CCDC30: variants seen among roughly 807,000 people sequenced by gnomAD.
CCDC30 encodes the protein coiled-coil domain-containing protein 30.
In CCDC30, 70 loss-of-function variants were observed where a neutral mutation model predicts 100.2. The observed-to-expected ratio is 0.70, with a 90% CI of 0.58 to 0.85. The LOEUF (loss-of-function observed/expected upper bound fraction) is 0.85. Ranked by LOEUF, CCDC30 falls within the 40% of genes least tolerant of loss-of-function variation. The pLI is 0.00. For missense variants in CCDC30, 652 were observed against 771.2 expected, an observed-to-expected ratio of 0.85 and a Z score of 1.83; for synonymous variants, 233 against 269.5, an observed-to-expected ratio of 0.86 and a Z score of 1.33.
intron 9 of CCDC30, among the ~76,000 whole-genome samples, chr1:42,581,770 TA>T (rs1645972251): frequency 6.6e-6 from 1 of 152,226 alleles, no homozygotes; most frequent in Non-Finnish European, 1.5e-5. Context: ...GGGGCACACC[TA>T]GTGGTAACAG....
Position 42,621,497 on chromosome 1 carries a change from TTTTATTTA to T in CCDC30, c.1277+10431_1277+10438del, listed in dbSNP as rs148757100. 2.7e-4 allele frequency among the ~76,000 whole-genome samples: 39 copies of T among 145,290 alleles called. No individual in the cohort carries two copies. In the South Asian group the frequency reaches 4.8e-3, roughly 18 times the overall value. On this transcript the variant is annotated intron_variant, in intron 11 of 16. Transcript: ENST00000668663. Reference sequence around the variant, plus strand: ...CACCTGGCTAATTTTGTTTATTTTATTTTATTTATTTATTTATTTATTTATTTATTTTG... The same window carrying T: ...CACCTGGCTAATTTTGTTTATTTTATTTTATTTATTTATTTATTTATTTTG...
intron 10 of CCDC30, among the ~76,000 whole-genome samples, chr1:42,609,466 G>A (rs1339682535): frequency 6.6e-6 from 1 of 152,086 alleles, no homozygotes; most frequent in Non-Finnish European, 1.5e-5. Context: ...CTGTGTGGGG[G>A]GTCAGTGCCC....
Position 42,535,701 on chromosome 1 carries a change from T to TATATTATATATATATAAA in CCDC30, c.457-30591_457-30590insTATATATATATAAAATAT, listed in dbSNP as rs1553190464. Among the ~76,000 whole-genome samples the TATATTATATATATATAAA allele has an allele frequency of 5.7e-5, 4 of 70,510 alleles. No homozygotes were observed. In the East Asian group the frequency reaches 1.7e-3, roughly 29 times the overall value. 46.3% of individuals were successfully genotyped at this position (70,510 alleles called of 152,430 possible). A position where few individuals can be genotyped will look rare whatever the true frequency, so the allele number is the denominator to read the frequency against. On this transcript the variant is annotated intron_variant, in intron 6 of 16. Transcript: ENST00000668663. Reference sequence around the variant, plus strand: ...ATGGTGAAATCCCATCACTACTATATATATATATTATATATATAAATTTTA... The same window carrying TATATTATATATATATAAA: ...ATGGTGAAATCCCATCACTACTATATATATTATATATATATAAAATATATATTATATATATAAATTTTA...
chr1:42,585,152 T>A (rs889419176), intron 9 of CCDC30, among the ~76,000 whole-genome samples: 11 of 152,248 alleles, frequency 7.2e-5, no homozygotes, highest in African/African-American at 2.7e-4. Context: ...GTCCATATAA[T>A]GTAAGTTATC....
chr1:42,464,954 C>T (rs1177891454), intron 1 of CCDC30, among the ~76,000 whole-genome samples: 2 of 152,024 alleles, frequency 1.3e-5, no homozygotes, highest in Non-Finnish European at 2.9e-5. Context: ...AAAACAAAAA[C>T]AAGTTCTGCA....
At chr1:42,614,347 T>C (rs975228109) in intron 11 of CCDC30, among the ~76,000 whole-genome samples, 5 of 151,826 alleles carry the variant, frequency 3.3e-5, no homozygotes, top group Admixed American at 6.6e-5. Context: ...CCCAAAGTGC[T>C]GGGATTACAG....
intron 2 of CCDC30, among the ~76,000 whole-genome samples, chr1:42,481,195 G>GA (rs891641326): frequency 2.0e-5 from 3 of 151,860 alleles, no homozygotes; most frequent in Non-Finnish European, 4.4e-5. Flanking sequence ...ATTTGAGGAG[G>GA]AAAAAATCAC....
At chr1:42,540,679 A>ACACT (rs1338820036) in intron 6 of CCDC30, among the ~76,000 whole-genome samples, 1 of 112,298 alleles carries the variant, frequency 8.9e-6, no homozygotes, top group East Asian at 2.9e-4. Context: ...ATACACATAC[A>ACACT]CACACACACA....
chr1:42,652,361 G>A (rs1026364751), intron 15 of CCDC30, among the ~76,000 whole-genome samples: 5 of 152,176 alleles, frequency 3.3e-5, no homozygotes, highest in African/African-American at 1.2e-4. Flanking sequence ...CAATGTTTCA[G>A]TTAGACCGGA....
intron 9 of CCDC30, among the ~76,000 whole-genome samples, chr1:42,584,231 C>T (rs1033829333): frequency 5.3e-5 from 8 of 152,110 alleles, no homozygotes; most frequent in Non-Finnish European, 8.8e-5. Flanking sequence ...GGAAACTAGA[C>T]AAGTCAAAAT....
At chr1:42,489,714 G>A (rs1237615231) in intron 3 of CCDC30, among the ~76,000 whole-genome samples, 1 of 152,090 alleles carries the variant, frequency 6.6e-6, no homozygotes, top group Non-Finnish European at 1.5e-5. Context: ...AGCACCAAAA[G>A]CTATTTCCTG....
intron 6 of CCDC30, among the ~76,000 whole-genome samples, chr1:42,555,065 T>C (rs1281703456): frequency 6.6e-6 from 1 of 152,164 alleles, no homozygotes. Flanking sequence ...ATCCAATAAA[T>C]GACAAACCTT....
At chr1:42,465,204 T>G (rs1050963780) in intron 1 of CCDC30, among the ~76,000 whole-genome samples, 3 of 152,146 alleles carry the variant, frequency 2.0e-5, no homozygotes, top group Non-Finnish European at 4.4e-5. Context: ...CTGGCTACTC[T>G]GGAGGCTGAG....
chr1:42,593,761 A>T (rs963799212), intron 10 of CCDC30: 1 of 152,534 alleles, frequency 6.6e-6, no homozygotes, highest in Non-Finnish European at 1.5e-5. Context: ...TAGGACAAAG[A>T]TCAAAATATG....
At chr1:42,617,523 A>G (rs560162557) in intron 11 of CCDC30, among the ~76,000 whole-genome samples, 31 of 152,326 alleles carry the variant, frequency 2.0e-4, no homozygotes, top group African/African-American at 6.7e-4. Context: ...AGTCAGCTGT[A>G]TGGGAGACGA....
chr1:42,581,296 C>T, intron 8 of CCDC30, 64 bp from the exon 13 acceptor site: 11 of 1,256,212 alleles, frequency 8.8e-6, no homozygotes, highest in South Asian at 1.5e-5. Context: ...TATGTTATTC[C>T]CCTAATTTGA....
At chr1:42,616,646 A>G (rs1423134541) in intron 11 of CCDC30, among the ~76,000 whole-genome samples, 7 of 152,240 alleles carry the variant, frequency 4.6e-5, no homozygotes, top group African/African-American at 1.7e-4. Flanking sequence ...TAAATTTTAG[A>G]ACATAAATAT....
At chr1:42,594,444 G>A (rs543780291) in intron 10 of CCDC30, 3 of 152,342 alleles carry the variant, frequency 2.0e-5, no homozygotes, top group African/African-American at 7.2e-5. Context: ...AGCCCAGGAG[G>A]TCAAGGCTTC....
chr1:42,549,960 A>G (rs1645216319), intron 6 of CCDC30, among the ~76,000 whole-genome samples: 1 of 152,194 alleles, frequency 6.6e-6, no homozygotes, highest in Non-Finnish European at 1.5e-5. Context: ...TTGTTTGATA[A>G]GTGTTCAAGT....
Sources: gnomAD v4.1 joint callset for allele counts (sites outside exome capture counted in the v4.1 genomes callset) on GRCh38, gnomAD v4.1.1 for gene constraint, MANE v1.5 for transcripts, NCBI Gene and HGNC (gene_info 2026-07-23, HGNC 2026-07-21) for gene names.